The following ACKR3 variants were observed in gnomAD, a reference collection of about 807,000 sequenced individuals.
The protein encoded by ACKR3 is atypical chemokine receptor 3.
Under a neutral mutation model 22.4 loss-of-function variants are expected in ACKR3, and 6 were observed. The observed-to-expected ratio is 0.27, with a 90% CI of 0.15 to 0.53. The LOEUF (loss-of-function observed/expected upper bound fraction) is 0.53. ACKR3 is among the 20% of genes least tolerant of loss of function. The probability of loss-of-function intolerance (pLI) is 0.96; values close to 1 mark genes in which losing one functional copy is unlikely to be tolerated. For missense variants in ACKR3, 396 were observed against 475.2 expected, an observed-to-expected ratio of 0.83 and a Z score of 1.55; for synonymous variants, 209 against 205.2, an observed-to-expected ratio of 1.02 and a Z score of -0.16.
Position 236,581,122 on chromosome 2 carries a change from G to C in ACKR3, c.657G>C (p.Leu219Phe). Residue 219 changes from leucine to phenylalanine, a missense_variant, in exon 2 of 2, where the codon TTG (leucine) becomes TTC (phenylalanine). Coordinates refer to ENST00000272928, the MANE Select transcript of ACKR3 (RefSeq NM_020311.3). The surrounding 1 kb of genome is among the most constrained non-coding windows in gnomAD (Gnocchi z 4.4). ...LIGMELVSVV[L>F]GFAVPFSIIA... ...GCATGGAGCTGGTCTCCGTTGTCTT[G>C]GGCTTTGCCGTTCCCTTCTCCATTA... 1 of 1,614,196 alleles carries C rather than the reference G, an allele frequency of 6.2e-7. No homozygotes were observed. Among genetic ancestry groups the C allele is most frequent in the Non-Finnish European group, 8.5e-7 (1 of 1,180,044 alleles).
chr2:236,552,240 C>T, the ACKR3 span, among the ~76,000 whole-genome samples: 1 of 152,054 alleles, frequency 6.6e-6, no homozygotes, highest in African/African-American at 2.4e-5. Context: ...GTTCAGTCGC[C>T]CTGGCCAGGA....
At chr2:236,575,045 G>C (rs1425161550) in intron 1 of ACKR3, among the ~76,000 whole-genome samples, 3 of 152,096 alleles carry the variant, frequency 2.0e-5, no homozygotes, top group East Asian at 1.9e-4. Flanking sequence ...AGATAAAACA[G>C]AGCAAGCGCT....
rs890364336 is a variant in ACKR3 at position 236,574,617 on chromosome 2, C to T, written c.-27+4693C>T. On this transcript the variant is annotated intron_variant, in intron 1 of 1. Transcript: ENST00000272928. This position sits in a 1 kb window ranked among gnomAD's most constrained non-coding sequence, Gnocchi z 5.6. Reference sequence around the variant, plus strand: ...GCATTCTCTGGAAGGAACTAACCAGCGTGAGGACATGCTGATTGCATACTC... The same window carrying T: ...GCATTCTCTGGAAGGAACTAACCAGTGTGAGGACATGCTGATTGCATACTC... Among the ~76,000 whole-genome samples, 4 of 152,066 alleles carry T rather than the reference C, an allele frequency of 2.6e-5. No individual in the cohort carries two copies. The highest frequency in any genetic ancestry group is 9.7e-5 in the African/African-American group (4 of 41,402).
At chr2:236,552,264 C>T in the ACKR3 span, among the ~76,000 whole-genome samples, 2 of 152,106 alleles carry the variant, frequency 1.3e-5, no homozygotes, top group African/African-American at 4.8e-5. Flanking sequence ...CTCAATGTGT[C>T]CTCCGGGTGG....
At chr2:236,538,429 A>C in the ACKR3 span, among the ~76,000 whole-genome samples, 3 of 152,314 alleles carry the variant, frequency 2.0e-5, no homozygotes, top group South Asian at 6.2e-4. Flanking sequence ...GCCACAGCGG[A>C]AGCCAGGTGC....
At chr2:236,538,554 G>A in the ACKR3 span, among the ~76,000 whole-genome samples, 1 of 152,152 alleles carries the variant, frequency 6.6e-6, no homozygotes, top group Admixed American at 6.5e-5. Context: ...ATGGAAAGGG[G>A]CTGCAGTTCT....
chr2:236,557,282 G>A, the ACKR3 span, among the ~76,000 whole-genome samples: 1 of 151,772 alleles, frequency 6.6e-6, no homozygotes, highest in East Asian at 1.9e-4. Flanking sequence ...GTGTGTGTGT[G>A]CATACGTATA....
At chr2:236,559,112 T>C in the ACKR3 span, among the ~76,000 whole-genome samples, 1 of 152,214 alleles carries the variant, frequency 6.6e-6, no homozygotes, top group Non-Finnish European at 1.5e-5. Context: ...CCCTCTGTGC[T>C]TTGATATACT....
chr2:236,581,341 C>A lies in ACKR3; in HGVS notation c.876C>A (p.Ala292=), dbSNP rs1454190606. The A allele has an allele frequency of 6.2e-7, 1 of 1,613,896 alleles. No homozygotes were observed. Among genetic ancestry groups the A allele is most frequent in the Non-Finnish European group, 8.5e-7 (1 of 1,180,012 alleles). ...CTTTCACCTGCCGGCTGGAGCACGC[C>A]CTCTTCACGGCCCTGCATGTCACAC... The part of the protein sequence containing the change: ...YIPFTCRLEH[A]LFTALHVTQC... The change falls in exon 2 of 2, where the codon GCC becomes GCA. Residue 292 remains alanine (A), a synonymous_variant. Coordinates refer to ENST00000272928, the MANE Select transcript of ACKR3 (RefSeq NM_020311.3). This position sits in a 1 kb window ranked among gnomAD's most constrained non-coding sequence, Gnocchi z 4.4.
chr2:236,559,948 A>G, the ACKR3 span, among the ~76,000 whole-genome samples: 2 of 152,244 alleles, frequency 1.3e-5, no homozygotes, highest in African/African-American at 4.8e-5. Flanking sequence ...ATAAGTCATG[A>G]AATTGCAAAC....
At chr2:236,567,335 T>A (rs1326832250), upstream of ACKR3, among the ~76,000 whole-genome samples, 1 of 152,148 alleles carries the variant, frequency 6.6e-6, no homozygotes, top group Non-Finnish European at 1.5e-5. Context: ...CCATGCCGCG[T>A]GAAACTTGCA....
chr2:236,551,221 C>T, the ACKR3 span, among the ~76,000 whole-genome samples: 2 of 152,322 alleles, frequency 1.3e-5, no homozygotes, highest in African/African-American at 2.4e-5. Flanking sequence ...GCTCCGGGCT[C>T]TGCATATGGG....
At chr2:236,549,293 C>T in the ACKR3 span, among the ~76,000 whole-genome samples, 1 of 152,220 alleles carries the variant, frequency 6.6e-6, no homozygotes, top group African/African-American at 2.4e-5. This position sits in a 1 kb window ranked among gnomAD's most constrained non-coding sequence, Gnocchi z 5.3. Flanking sequence ...CACGGTCCCT[C>T]CTTGGCCTCT....
Position 236,580,891 on chromosome 2 carries a change from C to A in ACKR3, c.426C>A (p.Arg142=). The A allele has an allele frequency of 6.2e-7, 1 of 1,614,232 alleles. No individual in the cohort carries two copies. Among genetic ancestry groups the A allele is most frequent in the Non-Finnish European group, 8.5e-7 (1 of 1,180,048 alleles). ...TCCTCACGTGCATGAGCGTGGACCG[C>A]TACCTCTCCATCACCTACTTCACCA... is the stretch of plus-strand genomic sequence containing the variant. ...IFFLTCMSVD[R]YLSITYFTNT... is the part of the protein sequence containing the mutation. The change falls in exon 2 of 2, where the codon CGC becomes CGA. Residue 142 remains arginine, a synonymous_variant. Transcript: ENST00000272928.
rs1314891921 is a variant in ACKR3 at position 236,580,427 on chromosome 2, G to C, written c.-26-13G>C. The stretch of plus-strand genomic sequence containing the variant: ...CCTCTTCCATCTTTTTTGTTTGCTT[G>C]GTTTTCTCATAGGTCATTTGATTGC... On this transcript the variant is annotated splice_polypyrimidine_tract_variant and intron_variant, in intron 1 of 1. Coordinates refer to ENST00000272928, the MANE Select transcript of ACKR3 (RefSeq NM_020311.3). 6.4e-7 allele frequency: 1 copy of C among 1,561,242 alleles called. No individual in the cohort carries two copies. The highest frequency in any genetic ancestry group is 8.7e-7 in the Non-Finnish European group (1 of 1,152,976).
the ACKR3 span, among the ~76,000 whole-genome samples, chr2:236,554,137 TCTCC>T: frequency 6.6e-6 from 1 of 152,174 alleles, no homozygotes; most frequent in Admixed American, 6.5e-5. Context: ...TATCTGCCCC[TCTCC>T]CTTCCTCCCT....
the ACKR3 span, among the ~76,000 whole-genome samples, chr2:236,547,825 T>C: frequency 6.6e-6 from 1 of 151,036 alleles, no homozygotes; most frequent in Non-Finnish European, 1.5e-5. Flanking sequence ...ATCTTCCCTC[T>C]TATCTTTCAT....
At chr2:236,541,159 C>T in the ACKR3 span, among the ~76,000 whole-genome samples, 6 of 152,144 alleles carry the variant, frequency 3.9e-5, no homozygotes, top group East Asian at 3.9e-4. Context: ...CTGCAATAAT[C>T]GTATAAGATT....
chr2:236,562,670 G>A, the ACKR3 span, among the ~76,000 whole-genome samples: 66 of 151,914 alleles, frequency 4.3e-4, no homozygotes, highest in South Asian at 0.012. Flanking sequence ...AGACTGCAAC[G>A]AGATAAGTTC....
Sources: gnomAD v4.1 joint callset for allele counts (sites outside exome capture counted in the v4.1 genomes callset) on GRCh38, gnomAD v4.1.1 for gene constraint, Gnocchi (gnomAD v3.1) non-coding constraint, MANE v1.5 for transcripts, NCBI Gene and HGNC (gene_info 2026-07-23, HGNC 2026-07-21) for gene names.